The following A1CF variants were observed in gnomAD, a reference collection of about 807,000 sequenced individuals.
The protein encoded by A1CF is APOBEC1 complementation factor.
In A1CF, 48 loss-of-function variants were observed where a neutral mutation model predicts 68.9. That is an observed-to-expected ratio of 0.70 (90% CI 0.55 to 0.89). The LOEUF (loss-of-function observed/expected upper bound fraction) is 0.89. A1CF is among the 40% of genes least tolerant of loss of function. The pLI, the probability that A1CF is intolerant of heterozygous loss-of-function variation, is 0.00. For synonymous variants in A1CF, 272 were observed against 260.4 expected (o/e 1.04, Z -0.43); for missense variants, 653 against 718.9 (o/e 0.91, Z 1.05).
intron 3 of A1CF, among the ~76,000 whole-genome samples, chr10:50,856,127 T>C (rs1840465804): frequency 6.6e-6 from 1 of 152,012 alleles, no homozygotes; most frequent in Non-Finnish European, 1.5e-5. Flanking sequence ...AGTGACTAGA[T>C]TCAGAAGATA....
rs1241612557 is a variant in A1CF at position 50,883,489 on chromosome 10, G to A, written c.-94+2092C>T. On this transcript the variant is annotated intron_variant, in intron 1 of 12. Transcript: ENST00000373997. ...CGTAATTAATTTTAAAAGTTTCTCA[G>A]ATAGGCATAGTCCTATTTGGTGGAA... 2.6e-5 allele frequency among the ~76,000 whole-genome samples: 4 copies of A among 152,252 alleles called. No homozygotes were observed. The South Asian group carries it at 8.3e-4, about 32-fold the overall frequency.
intron 7 of A1CF, 70 bp downstream of exon 7, chr10:50,828,061 C>T (rs1358156591): frequency 2.1e-5 from 25 of 1,193,286 alleles, no homozygotes; most frequent in Non-Finnish European, 2.6e-5. Context: ...TTCCTCGACA[C>T]ATACACCCTC....
chr10:50,842,899 A>C (rs1839844648), intron 4 of A1CF, among the ~76,000 whole-genome samples: 1 of 152,200 alleles, frequency 6.6e-6, no homozygotes, highest in Non-Finnish European at 1.5e-5. Flanking sequence ...TAGGGCCTCC[A>C]GAGCAGGAGA....
chr10:50,828,391 T>C, intron 6 of A1CF, 96 bp from the exon 7 acceptor site: 8 of 1,017,750 alleles, frequency 7.9e-6, no homozygotes, highest in Non-Finnish European at 1.1e-5. Context: ...ACCTGACCCT[T>C]GAGGTCTTGA....
chr10:50,808,856 T>C (rs4256922), intron 12 of A1CF, among the ~76,000 whole-genome samples: 118,675 of 151,972 alleles, frequency 0.78, 47,386 homozygotes, highest in East Asian at 0.97. Flanking sequence ...TATAAAATTT[T>C]TCACACCTAC....
At chr10:50,849,849 A>G (rs1178714989) in intron 3 of A1CF, among the ~76,000 whole-genome samples, 1 of 124,764 alleles carries the variant, frequency 8.0e-6, no homozygotes, top group African/African-American at 3.0e-5. Context: ...GCTGGAGTGC[A>G]GTGGCGCAAT....
chr10:50,875,917 A>G (rs1381021065), intron 1 of A1CF, among the ~76,000 whole-genome samples: 1 of 152,214 alleles, frequency 6.6e-6, no homozygotes. Context: ...TTAACCTGAC[A>G]TTCAGTGCCT....
chr10:50,883,656 T>C (rs1398046280), intron 1 of A1CF, among the ~76,000 whole-genome samples: 1 of 152,192 alleles, frequency 6.6e-6, no homozygotes, highest in South Asian at 2.1e-4. Context: ...TTGAGAGATA[T>C]TGATAGATGT....
At chr10:50,865,426 G>A (rs1360099306) in intron 1 of A1CF, among the ~76,000 whole-genome samples, 1 of 151,902 alleles carries the variant, frequency 6.6e-6, no homozygotes, top group African/African-American at 2.4e-5. Flanking sequence ...TACTTAAAAT[G>A]GTTTCTGGAA....
At chr10:50,870,801 A>G (rs1841229324) in intron 1 of A1CF, among the ~76,000 whole-genome samples, 1 of 151,816 alleles carries the variant, frequency 6.6e-6, no homozygotes, top group Admixed American at 6.6e-5. Flanking sequence ...GATAGAGAAA[A>G]ATATACTACA....
chr10:50,842,002 A>G lies in A1CF; in HGVS notation c.235-10T>C. 1.2e-6 allele frequency: 2 copies of G among 1,600,094 alleles called. No individual in the cohort carries two copies. The highest frequency in any genetic ancestry group is 8.6e-7 in the Non-Finnish European group (1 of 1,169,554). On this transcript the variant is annotated splice_polypyrimidine_tract_variant and intron_variant, in intron 4 of 12. Coordinates refer to ENST00000373997, the MANE Select transcript of A1CF (RefSeq NM_014576.4). ...CATAAATTTTACCGATCTGCAAGTA[A>G]TAGAAATAGAACATTTATATTTATA...
intron 6 of A1CF, among the ~76,000 whole-genome samples, chr10:50,828,851 G>T (rs1299536363): frequency 2.0e-5 from 3 of 152,102 alleles, no homozygotes; most frequent in Non-Finnish European, 4.4e-5. Flanking sequence ...CTTGGTCAAG[G>T]CTTAGATCAG....
chr10:50,870,586 T>C (rs1841217234), intron 1 of A1CF, among the ~76,000 whole-genome samples: 1 of 151,848 alleles, frequency 6.6e-6, no homozygotes, highest in Non-Finnish European at 1.5e-5. Flanking sequence ...CAAGGATAAG[T>C]TAAAAATTTG....
intron 1 of A1CF, among the ~76,000 whole-genome samples, chr10:50,868,973 T>C (rs571557982): frequency 6.6e-6 from 1 of 152,178 alleles, no homozygotes; most frequent in East Asian, 1.9e-4. Context: ...CAACACACAC[T>C]GGCACCTTTC....
intron 8 of A1CF, among the ~76,000 whole-genome samples, chr10:50,818,790 A>C (rs1838494332): frequency 6.6e-6 from 1 of 151,838 alleles, no homozygotes; most frequent in South Asian, 2.1e-4. Flanking sequence ...AAACTTTTTG[A>C]GTTTGAGTGG....
chr10:50,857,023 T>C (rs554353929), intron 3 of A1CF, among the ~76,000 whole-genome samples: 7 of 152,114 alleles, frequency 4.6e-5, no homozygotes, highest in Non-Finnish European at 1.0e-4. Context: ...CCATTGTTAT[T>C]TGGGTCTCTT....
chr10:50,878,208 G>T (rs1475980016), intron 1 of A1CF, among the ~76,000 whole-genome samples: 1 of 152,312 alleles, frequency 6.6e-6, no homozygotes, highest in African/African-American at 2.4e-5. Flanking sequence ...CAGTGATGGG[G>T]ATAGAATTAA....
At chr10:50,825,370 T>C (rs1010954743) in intron 7 of A1CF, among the ~76,000 whole-genome samples, 1 of 151,994 alleles carries the variant, frequency 6.6e-6, no homozygotes, top group African/African-American at 2.4e-5. Context: ...CAAAATGATA[T>C]GGCAAAAAAG....
chr10:50,853,933 T>C (rs767863143), intron 3 of A1CF, among the ~76,000 whole-genome samples: 16 of 152,082 alleles, frequency 1.1e-4, no homozygotes, highest in African/African-American at 3.9e-4. Flanking sequence ...TTCTGGGGCT[T>C]ATTTTCTAAC....
Sources: gnomAD v4.1 joint callset for allele counts (sites outside exome capture counted in the v4.1 genomes callset) on GRCh38, gnomAD v4.1.1 for gene constraint, MANE v1.5 for transcripts, NCBI Gene and HGNC (gene_info 2026-07-23, HGNC 2026-07-21) for gene names.